The following MAP3K20 variants were observed in gnomAD, a reference collection of about 807,000 sequenced individuals.
MAP3K20 encodes mitogen-activated protein kinase kinase kinase 20.
MAP3K20 carries 40 observed loss-of-function variants against 85.7 expected under a neutral mutation model. The observed-to-expected ratio is 0.47, with a 90% CI of 0.36 to 0.61. The LOEUF (loss-of-function observed/expected upper bound fraction) is 0.61. Among genes scored for constraint, MAP3K20 ranks in the 20% least tolerant of loss-of-function variants. MAP3K20 has a pLI of 0.00. For missense variants in MAP3K20, 817 were observed against 961.7 expected, an observed-to-expected ratio of 0.85 and a Z score of 1.99; for synonymous variants, 325 against 327.7, an observed-to-expected ratio of 0.99 and a Z score of 0.09.
chr2:173,092,707 T>A (rs1022137718), intron 2 of MAP3K20, among the ~76,000 whole-genome samples: 1 of 152,264 alleles, frequency 6.6e-6, no homozygotes, highest in African/African-American at 2.4e-5. Flanking sequence ...CTTATATGAT[T>A]GTTCGATGTG....
At chr2:173,223,552 T>C (rs1684307089) in intron 11 of MAP3K20, 1 of 985,230 alleles carries the variant, frequency 1.0e-6, no homozygotes, top group African/African-American at 1.7e-5. Context: ...GAGATGAAAT[T>C]AAAAGTGGAT....
chr2:173,196,998 A>T (rs544472933), intron 7 of MAP3K20, among the ~76,000 whole-genome samples: 46 of 152,222 alleles, frequency 3.0e-4, no homozygotes, highest in Non-Finnish European at 6.5e-4. Flanking sequence ...CACCTATAAA[A>T]TAAGGGTAAG....
chr2:173,121,149 C>T (rs994712680), intron 2 of MAP3K20, among the ~76,000 whole-genome samples: 5 of 152,142 alleles, frequency 3.3e-5, no homozygotes, highest in African/African-American at 4.8e-5. Flanking sequence ...TCATTTGATG[C>T]CATAACTGAA....
intron 2 of MAP3K20, among the ~76,000 whole-genome samples, chr2:173,112,266 G>A (rs1559236134): frequency 2.0e-5 from 3 of 152,152 alleles, no homozygotes; most frequent in African/African-American, 7.2e-5. Context: ...CTTGTATTTG[G>A]AAACTTTGCT....
chr2:173,177,217 A>AT, intron 3 of MAP3K20, among the ~76,000 whole-genome samples: 1 of 152,308 alleles, frequency 6.6e-6, no homozygotes, highest in Middle Eastern at 3.4e-3. Context: ...AAGAATACAT[A>AT]TTTTTTCAAG....
Position 173,260,236 on chromosome 2 carries a change from C to T in MAP3K20, c.1477-827C>T, listed in dbSNP as rs143192694. Among the ~76,000 whole-genome samples the T allele has an allele frequency of 7.5e-3, 1,146 of 152,164 alleles. 11 individuals carry two copies. The highest frequency in any genetic ancestry group is 0.026 in the African/African-American group (1,071 of 41,530). ...ACAAAAAATGAGCCAGGTGTGGTGG[C>T]GTGCTCCTGTAATCCCAGCTACTTG... On this transcript the variant is annotated intron_variant, in intron 17 of 19. Transcript: ENST00000375213.
intron 15 of MAP3K20, 34 bp downstream of exon 15, chr2:173,238,469 A>G (rs1684703323): frequency 1.3e-6 from 2 of 1,567,358 alleles, no homozygotes; most frequent in Admixed American, 1.7e-5. Context: ...CACTAATGCT[A>G]CCTTTATTGA....
intron 2 of MAP3K20, among the ~76,000 whole-genome samples, chr2:173,155,562 C>T (rs1397655353): frequency 6.6e-6 from 1 of 152,140 alleles, no homozygotes; most frequent in Non-Finnish European, 1.5e-5. Context: ...TGCTTTCATC[C>T]TTTAGCTTTC....
chr2:173,257,547 A>G (rs547611661), intron 16 of MAP3K20, among the ~76,000 whole-genome samples: 1 of 152,288 alleles, frequency 6.6e-6, no homozygotes, highest in South Asian at 2.1e-4. Context: ...TGCATATATC[A>G]CAGTTTATCC....
intron 15 of MAP3K20, 83 bp from the exon 16 acceptor site, chr2:173,239,321 A>AC: frequency 8.5e-7 from 1 of 1,177,858 alleles, no homozygotes; most frequent in South Asian, 1.8e-5. Flanking sequence ...AAAAAAAAAA[A>AC]AACTAGTGCC....
intron 18 of MAP3K20, 60 bp downstream of exon 18, chr2:173,261,197 C>T: frequency 6.5e-7 from 1 of 1,547,110 alleles, no homozygotes; most frequent in East Asian, 2.3e-5. Flanking sequence ...ATAAATTTAT[C>T]TGTTATCTCA....
intron 1 of MAP3K20, among the ~76,000 whole-genome samples, chr2:173,078,212 G>A (rs979087840): frequency 1.3e-5 from 2 of 151,226 alleles, no homozygotes; most frequent in African/African-American, 4.8e-5. Context: ...TTTTGTTTTT[G>A]TTTAAACTGG....
chr2:173,190,159 C>G (rs1420913515), intron 5 of MAP3K20, among the ~76,000 whole-genome samples: 1 of 152,100 alleles, frequency 6.6e-6, no homozygotes, highest in East Asian at 1.9e-4. Context: ...CCTCCCTCAG[C>G]TCTCCTCTTC....
chr2:173,117,781 G>A (rs2106183223), intron 2 of MAP3K20, among the ~76,000 whole-genome samples: 1 of 152,174 alleles, frequency 6.6e-6, no homozygotes, highest in African/African-American at 2.4e-5. Flanking sequence ...ATCACTTCTG[G>A]CACTTAGCAC....
chr2:173,173,160 G>C (rs1380049260), intron 3 of MAP3K20, among the ~76,000 whole-genome samples: 3 of 49,400 alleles, frequency 6.1e-5, no homozygotes, highest in African/African-American at 1.9e-4. Context: ...ATTTCTGTGT[G>C]TGTGTGTGTG....
At chr2:173,187,074 C>T (rs1690508587) in intron 4 of MAP3K20, among the ~76,000 whole-genome samples, 1 of 152,158 alleles carries the variant, frequency 6.6e-6, no homozygotes, top group East Asian at 1.9e-4. Context: ...GGAATGGGTA[C>T]TGAGAAAAAG....
At chr2:173,245,863 C>A (rs1684901213) in intron 16 of MAP3K20, among the ~76,000 whole-genome samples, 1 of 152,142 alleles carries the variant, frequency 6.6e-6, no homozygotes, top group Admixed American at 6.5e-5. Context: ...ACCCAGGAGG[C>A]AAGGTTGCAG....
Position 173,249,152 on chromosome 2 carries a change from C to T in MAP3K20, c.1360-9547C>T, listed in dbSNP as rs142542743. ...TAAGTTTGTGACTGTCTTTAAAAAA[C>T]GTGGAAACAGTCATAGTTGTGACTC... On this transcript the variant is annotated intron_variant, in intron 16 of 19. Coordinates refer to ENST00000375213, the MANE Select transcript of MAP3K20 (RefSeq NM_016653.3). 9.2e-5 allele frequency among the ~76,000 whole-genome samples: 14 copies of T among 152,262 alleles called. No individual in the cohort carries two copies. In the East Asian group the frequency reaches 1.4e-3, roughly 15 times the overall value.
chr2:173,166,910 G>GTTTTTTTTTTTT (rs71018540), intron 2 of MAP3K20: 17 of 113,842 alleles, frequency 1.5e-4, no homozygotes, highest in African/African-American at 3.4e-4. Flanking sequence ...CAGTTTTTCT[G>GTTTTTTTTTTTT]TTTTTTTTTT....
Sources: gnomAD v4.1 joint callset for allele counts (sites outside exome capture counted in the v4.1 genomes callset) on GRCh38, gnomAD v4.1.1 for gene constraint, MANE v1.5 for transcripts, NCBI Gene and HGNC (gene_info 2026-07-23, HGNC 2026-07-21) for gene names.